AFAP1L1: variants seen among roughly 807,000 people sequenced by gnomAD.
AFAP1L1 encodes the protein actin filament-associated protein 1-like 1.
In AFAP1L1, 77 loss-of-function variants were observed where a neutral mutation model predicts 99.8. The ratio of observed to expected loss-of-function variants is 0.77; its 90% CI spans 0.64 to 0.93. The LOEUF is 0.93. Ranked by LOEUF, AFAP1L1 falls within the 40% of genes least tolerant of loss-of-function variation. AFAP1L1 has a pLI of 0.00. For synonymous variants in AFAP1L1, 373 were observed against 395.3 expected, an observed-to-expected ratio of 0.94 and a Z score of 0.67; for missense variants, 893 against 996.8, an observed-to-expected ratio of 0.90 and a Z score of 1.40.
chr5:149,336,336 G>A (rs1436196969), intron 18 of AFAP1L1, among the ~76,000 whole-genome samples: 7 of 152,144 alleles, frequency 4.6e-5, no homozygotes, highest in Non-Finnish European at 1.0e-4. Context: ...GTCATATCAG[G>A]TCAGGTCAAG....
intron 1 of AFAP1L1, among the ~76,000 whole-genome samples, chr5:149,275,978 C>G (rs1755309121): frequency 6.6e-6 from 1 of 152,324 alleles, no homozygotes; most frequent in East Asian, 1.9e-4. Context: ...TAACAACAAG[C>G]TTAGGTCACT....
chr5:149,321,840 G>A (rs1382325609), intron 14 of AFAP1L1, among the ~76,000 whole-genome samples: 1 of 151,694 alleles, frequency 6.6e-6, no homozygotes, highest in African/African-American at 2.4e-5. Flanking sequence ...AGGAGTTTGA[G>A]ACCAGCCTGG....
At chr5:149,296,013 TAAAAC>T (rs2127592967) in intron 1 of AFAP1L1, among the ~76,000 whole-genome samples, 1 of 152,310 alleles carries the variant, frequency 6.6e-6, no homozygotes, top group Non-Finnish European at 1.5e-5. Flanking sequence ...ACAACCCACA[TAAAAC>T]AAAAGCAATT....
intron 1 of AFAP1L1, among the ~76,000 whole-genome samples, chr5:149,273,400 G>A (rs2127586026): frequency 6.6e-6 from 1 of 152,044 alleles, no homozygotes; most frequent in Non-Finnish European, 1.5e-5. Flanking sequence ...AGCAGGTGTG[G>A]GGTAACCTCC....
rs60097014 is a variant in AFAP1L1, at chr5:149,274,884, CAA to C, written c.16+2917_16+2918del. Among the ~76,000 whole-genome samples the C allele has an allele frequency of 7.2e-3, 888 of 123,430 alleles. 11 individuals carry two copies. The highest frequency in any genetic ancestry group is 0.023 in the African/African-American group (754 of 32,910). 81.0% of individuals were successfully genotyped at this position (123,430 alleles called of 152,430 possible). ...TGGGCGACACAGCAAGATTCTGTCT[CAA>C]AAAAAAAAAAAAAAAAGTATTCCAG... On this transcript the variant is annotated intron_variant, in intron 1 of 18. Transcript: ENST00000296721.
At position 149,306,330 on chromosome 5, in the gene AFAP1L1, T is replaced by C; in HGVS notation, c.461T>C (p.Ile154Thr). Reference protein sequence around the residue: ...SHNGCSPSHSIVDGYYEDADS... With the variant: ...SHNGCSPSHSTVDGYYEDADS... ...GATGGCTGCAGCCCCTCACACTCGA[T>C]TGTGGATGGCTACTATGAGGACGCA... Residue 154 changes from isoleucine (I) to threonine (T), a missense_variant, in exon 6 of 19, where the codon ATT (isoleucine) becomes ACT (threonine). Coordinates refer to ENST00000296721, the MANE Select transcript of AFAP1L1 (RefSeq NM_152406.4). 6.2e-7 allele frequency: 1 copy of C among 1,613,420 alleles called. No homozygotes were observed. The highest frequency in any genetic ancestry group is 8.5e-7 in the Non-Finnish European group (1 of 1,179,728).
chr5:149,286,276 C>G (rs1755677809), intron 1 of AFAP1L1, among the ~76,000 whole-genome samples: 1 of 152,112 alleles, frequency 6.6e-6, no homozygotes, highest in Non-Finnish European at 1.5e-5. Context: ...CCAAATTTTG[C>G]AGATGTGGAA....
At chr5:149,290,318 A>G (rs1003285550) in intron 1 of AFAP1L1, among the ~76,000 whole-genome samples, 2 of 152,216 alleles carry the variant, frequency 1.3e-5, no homozygotes, top group African/African-American at 4.8e-5. Context: ...AGTAATGGAG[A>G]TAGCTAACAT....
chr5:149,328,828 AAAT>A (rs1757167804), intron 15 of AFAP1L1, among the ~76,000 whole-genome samples: 1 of 152,288 alleles, frequency 6.6e-6, no homozygotes, highest in Admixed American at 6.5e-5. Context: ...TAAATAAAAA[AAAT>A]AAGTTTCATG....
In AFAP1L1 at chr5:149,307,284, A is replaced by G. The variant is rs183113278; in HGVS notation, c.536-118A>G. ...AGGGGCCTTAGTCATTACCAGTGTC[A>G]TGCCTAATGCCCATGCCTTCCTAGC... On this transcript the variant is annotated intron_variant, in intron 6 of 18. Coordinates refer to ENST00000296721, the MANE Select transcript of AFAP1L1 (RefSeq NM_152406.4). 8.3e-4 allele frequency: 867 copies of G among 1,049,392 alleles called. 3 individuals are homozygous for G. In the African/African-American group the frequency reaches 0.012, roughly 14 times the overall value. The allele number at this position is 1,049,392 out of a possible 1,614,324, so 65.0% of individuals were successfully genotyped here.
Position 149,307,575 on chromosome 5 carries a change from G to A in AFAP1L1, c.709G>A (p.Ala237Thr), listed in dbSNP as rs1363930427. The change falls in exon 7 of 19, where the codon GCC becomes ACC. Residue 237 changes from alanine to threonine, a missense_variant. Physicochemically the swap from Ala to Thr is moderately conservative, Grantham distance 58. Coordinates refer to ENST00000296721, the MANE Select transcript of AFAP1L1 (RefSeq NM_152406.4). ...GCGGAAAAAGCGTTTCGGGCAGTGG[G>A]CCAAGCAGCTGACGGTCATCAGGGA... ...LLRKKRFGQWAKQLTVIREDQ... is the reference protein window; with the variant it reads ...LLRKKRFGQWTKQLTVIREDQ... 6.2e-7 allele frequency: 1 copy of A among 1,613,096 alleles called. No individual in the cohort carries two copies. Among genetic ancestry groups the A allele is most frequent in the South Asian group, 1.1e-5 (1 of 91,022 alleles).
chr5:149,276,120 C>T (rs1342211032), intron 1 of AFAP1L1, among the ~76,000 whole-genome samples: 1 of 152,200 alleles, frequency 6.6e-6, no homozygotes, highest in African/African-American at 2.4e-5. Flanking sequence ...CCTGCCCAAG[C>T]CTTAGAGCAG....
intron 1 of AFAP1L1, among the ~76,000 whole-genome samples, chr5:149,290,485 T>C (rs897824044): frequency 4.6e-5 from 7 of 152,074 alleles, no homozygotes; most frequent in African/African-American, 1.7e-4. Flanking sequence ...AGTTTGGAAA[T>C]TGGGGAACAG....
chr5:149,273,702 C>T (rs1020845382), intron 1 of AFAP1L1, among the ~76,000 whole-genome samples: 5 of 151,946 alleles, frequency 3.3e-5, no homozygotes, highest in Admixed American at 1.3e-4. Context: ...CCTCTCACAC[C>T]CCTCAGTCCT....
At chr5:149,278,919 G>A (rs1252336458) in intron 1 of AFAP1L1, among the ~76,000 whole-genome samples, 1 of 152,198 alleles carries the variant, frequency 6.6e-6, no homozygotes, top group Non-Finnish European at 1.5e-5. Context: ...CTCTATGAGA[G>A]TAACTCTCAG....
rs1007209253 is a variant in AFAP1L1 at position 149,342,677 on chromosome 5, C to T, written c.*2647C>T. ...CTGTAATCCCAGCACTTTGGGAGGCCGAAGCGGGTGGATCACTTGAGGTCA... is the reference window on the plus strand; with the variant it reads ...CTGTAATCCCAGCACTTTGGGAGGCTGAAGCGGGTGGATCACTTGAGGTCA... On this transcript the variant is annotated 3_prime_UTR_variant, in exon 19 of 19. Coordinates refer to ENST00000296721, the MANE Select transcript of AFAP1L1 (RefSeq NM_152406.4). Among the ~76,000 whole-genome samples the T allele has an allele frequency of 1.3e-5, 2 of 152,238 alleles. No homozygotes were observed. Among genetic ancestry groups the T allele is most frequent in the Admixed American group, 1.3e-4 (2 of 15,298 alleles).
intron 1 of AFAP1L1, among the ~76,000 whole-genome samples, chr5:149,278,060 C>T (rs970756400): frequency 6.6e-6 from 1 of 152,206 alleles, no homozygotes; most frequent in African/African-American, 2.4e-5. Flanking sequence ...CTCCCTCCCA[C>T]CCTCTGCCAA....
chr5:149,278,666 A>C (rs910944762), intron 1 of AFAP1L1, among the ~76,000 whole-genome samples: 1 of 152,212 alleles, frequency 6.6e-6, no homozygotes, highest in Non-Finnish European at 1.5e-5. Flanking sequence ...TTTGTAAAGC[A>C]AGAAGAATGA....
intron 7 of AFAP1L1, 146 bp downstream of exon 7, chr5:149,307,759 C>A: frequency 1.3e-6 from 1 of 767,030 alleles, no homozygotes; most frequent in Non-Finnish European, 2.1e-6. Flanking sequence ...CTCCCAAGAT[C>A]AGGACTTTCC....
Sources: gnomAD v4.1 joint callset for allele counts (sites outside exome capture counted in the v4.1 genomes callset) on GRCh38, gnomAD v4.1.1 for gene constraint, MANE v1.5 for transcripts, NCBI Gene and HGNC (gene_info 2026-07-23, HGNC 2026-07-21) for gene names.